Variants in DLG2 observed in about 807,000 individuals in gnomAD.
DLG2 encodes the protein discs large MAGUK scaffold protein 2, also known as disks large homolog 2.
A neutral mutation model predicts 132.5 loss-of-function variants in DLG2; 45 were observed. The ratio of observed to expected loss-of-function variants is 0.34; its 90% CI spans 0.27 to 0.44. DLG2 has a LOEUF of 0.44. DLG2 is among the 20% of genes least tolerant of loss of function. DLG2 has a pLI of 1.00. For synonymous variants in DLG2, 424 were observed against 419.6 expected (o/e 1.01, Z -0.13); for missense variants, 1,045 against 1,196.9 (o/e 0.87, Z 1.87).
intron 11 of DLG2, among the ~76,000 whole-genome samples, chr11:83,982,205 G>A (rs1326129649): frequency 1.3e-5 from 2 of 151,900 alleles, no homozygotes; most frequent in South Asian, 2.1e-4. Flanking sequence ...GCTTTTTATT[G>A]TTATATTTGA....
In DLG2 at chr11:85,359,895, G is replaced by C. The variant is rs373812513; in HGVS notation, c.41-74530C>G. ...GATTTGGGTGATGAGACATGATCATGTCTAAAGAACTATCGTGTGAAAAAA... is the reference window on the plus strand; with the variant it reads ...GATTTGGGTGATGAGACATGATCATCTCTAAAGAACTATCGTGTGAAAAAA... On this transcript the variant is annotated intron_variant, in intron 3 of 27. Transcript: ENST00000376104. 3.9e-5 allele frequency among the ~76,000 whole-genome samples: 6 copies of C among 152,300 alleles called. No individual in the cohort carries two copies. In the East Asian group the frequency reaches 1.2e-3, roughly 29 times the overall value.
intron 24 of DLG2, among the ~76,000 whole-genome samples, 197 bp downstream of exon 24, chr11:83,471,429 T>C (rs116357206): frequency 4.7e-4 from 72 of 152,242 alleles, no homozygotes; most frequent in African/African-American, 1.6e-3. Flanking sequence ...ATTATTTTTA[T>C]TAAATACAGA....
At chr11:85,404,634 A>G (rs887914583) in intron 3 of DLG2, among the ~76,000 whole-genome samples, 3 of 151,984 alleles carry the variant, frequency 2.0e-5, no homozygotes, top group African/African-American at 7.2e-5. Context: ...TTAAAGGACA[A>G]TCAAGAAAAA....
intron 7 of DLG2, among the ~76,000 whole-genome samples, chr11:84,442,451 T>C (rs1306902693): frequency 2.6e-5 from 4 of 152,088 alleles, no homozygotes; most frequent in African/African-American, 9.7e-5. Context: ...TACCACATGT[T>C]CTCACTCATA....
At chr11:84,775,388 C>T (rs563021387) in intron 6 of DLG2, among the ~76,000 whole-genome samples, 2 of 152,242 alleles carry the variant, frequency 1.3e-5, no homozygotes, top group African/African-American at 2.4e-5. Flanking sequence ...GAACTTAATA[C>T]AGAACTACTA....
intron 8 of DLG2, among the ~76,000 whole-genome samples, chr11:84,174,527 A>G (rs2095902935): frequency 6.6e-6 from 1 of 152,164 alleles, no homozygotes; most frequent in Admixed American, 6.6e-5. Flanking sequence ...AATGCCACAT[A>G]CGCTGCCTTA....
intron 15 of DLG2, among the ~76,000 whole-genome samples, chr11:83,921,839 T>C (rs1224488513): frequency 8.2e-6 from 1 of 121,958 alleles, no homozygotes; most frequent in East Asian, 3.2e-4. Context: ...AGAGATATTA[T>C]CTCACTTTTA....
At position 84,187,528 on chromosome 11, in the gene DLG2, T is replaced by C. The variant is rs2096300999; in HGVS notation, c.574-24017A>G. On this transcript the variant is annotated intron_variant, in intron 8 of 27. Coordinates refer to ENST00000376104, the MANE Select transcript of DLG2 (RefSeq NM_001142699.3). Reference sequence around the variant, plus strand: ...ACCAAGGACTGTTTCACCCAATTGCTGTTTTGAAATTTGGTCATCTTAAAA... The same window carrying C: ...ACCAAGGACTGTTTCACCCAATTGCCGTTTTGAAATTTGGTCATCTTAAAA... 2.0e-5 allele frequency among the ~76,000 whole-genome samples: 3 copies of C among 152,068 alleles called. No homozygotes were observed. The South Asian group carries it at 6.2e-4, about 31-fold the overall frequency.
chr11:84,570,579 C>T (rs151179011), intron 6 of DLG2, among the ~76,000 whole-genome samples: 35 of 152,190 alleles, frequency 2.3e-4, no homozygotes, highest in African/African-American at 6.3e-4. Context: ...CACATAAGAA[C>T]GACATACTTG....
At position 83,854,592 on chromosome 11, in the gene DLG2, T is replaced by G. The variant is rs74359934; in HGVS notation, c.1565+19828A>C. ...ACAGACATTATACCCTGAACAAAAATAAACTCAAAATTCATCACAAACCAA... is the reference window on the plus strand; with the variant it reads ...ACAGACATTATACCCTGAACAAAAAGAAACTCAAAATTCATCACAAACCAA... On this transcript the variant is annotated intron_variant, in intron 16 of 27. Transcript: ENST00000376104. Among the ~76,000 whole-genome samples the G allele has an allele frequency of 3.5e-3, 532 of 151,982 alleles. 4 individuals are homozygous for G. Among genetic ancestry groups the G allele is most frequent in the African/African-American group, 0.012 (514 of 41,490 alleles).
At chr11:84,502,230 C>T (rs367791266) in intron 7 of DLG2, among the ~76,000 whole-genome samples, 1 of 22,202 alleles carries the variant, frequency 4.5e-5, no homozygotes, top group African/African-American at 8.8e-4. Flanking sequence ...TTCCTTCCTT[C>T]CTTCCTTCCT....
At chr11:83,781,044 A>G (rs927697453) in intron 18 of DLG2, among the ~76,000 whole-genome samples, 4 of 152,218 alleles carry the variant, frequency 2.6e-5, no homozygotes, top group Non-Finnish European at 5.9e-5. Context: ...AGATCTTACA[A>G]TTCTAAGAAG....
At chr11:83,852,393 T>G (rs4944451) in intron 16 of DLG2, among the ~76,000 whole-genome samples, 143,770 of 152,212 alleles carry the variant, frequency 0.94, 68,052 homozygotes, top group Non-Finnish European at 0.96. Context: ...TGTTACCAGG[T>G]GCCTGGGCAG....
intron 3 of DLG2, among the ~76,000 whole-genome samples, chr11:85,318,738 A>T (rs1252422774): frequency 2.6e-5 from 4 of 151,836 alleles, no homozygotes; most frequent in Non-Finnish European, 3.0e-5. Context: ...ACCATAAGGA[A>T]ACATGAAAGT....
At chr11:84,042,683 C>T (rs1355135150) in intron 11 of DLG2, among the ~76,000 whole-genome samples, 1 of 151,698 alleles carries the variant, frequency 6.6e-6, no homozygotes, top group Non-Finnish European at 1.5e-5. Flanking sequence ...TAAATGTGTG[C>T]CATGGAATAC....
chr11:85,490,527 A>T (rs1292279612), intron 3 of DLG2, among the ~76,000 whole-genome samples: 1 of 151,970 alleles, frequency 6.6e-6, no homozygotes, highest in Non-Finnish European at 1.5e-5. Context: ...CAAAAGAAAA[A>T]CAAACTTGAA....
intron 6 of DLG2, among the ~76,000 whole-genome samples, chr11:84,842,454 T>C (rs957563217): frequency 1.3e-5 from 2 of 151,984 alleles, no homozygotes; most frequent in African/African-American, 2.4e-5. Flanking sequence ...ACACATTCAC[T>C]ACTGAGCAGG....
chr11:84,754,026 G>A (rs1360828012), intron 6 of DLG2, among the ~76,000 whole-genome samples: 1 of 152,112 alleles, frequency 6.6e-6, no homozygotes, highest in Non-Finnish European at 1.5e-5. Flanking sequence ...GGAACAGCAG[G>A]GAGAAAAGCT....
intron 6 of DLG2, among the ~76,000 whole-genome samples, chr11:84,777,282 T>TATATATA (rs2070776730): frequency 2.8e-4 from 1 of 3,586 alleles, no homozygotes; most frequent in Non-Finnish European, 6.0e-4. Flanking sequence ...TGTGTGTGTG[T>TATATATA]ATATATATAT....
Sources: allele counts gnomAD v4.1 joint callset (sites outside exome capture counted in the v4.1 genomes callset), GRCh38; gene constraint gnomAD v4.1.1; transcripts MANE v1.5; gene names NCBI Gene and HGNC (gene_info 2026-07-23, HGNC 2026-07-21).